The following BPNT2 variants were observed in gnomAD, a reference collection of about 807,000 sequenced individuals.
BPNT2 encodes the protein Golgi-resident adenosine 3',5'-bisphosphate 3'-phosphatase.
BPNT2 carries 11 observed loss-of-function variants against 29.3 expected under a neutral mutation model. The observed-to-expected ratio is 0.38, with a 90% confidence interval of 0.24 to 0.62. The LOEUF is 0.62. Among genes scored for constraint, BPNT2 ranks in the 20% least tolerant of loss-of-function variants. The pLI is 0.62. For synonymous variants in BPNT2, 195 were observed against 187.7 expected (o/e 1.04, Z -0.32); for missense variants, 459 against 473.4 (o/e 0.97, Z 0.28).
intron 3 of BPNT2, among the ~76,000 whole-genome samples, chr8:56,968,974 T>C (rs1805990668): frequency 6.6e-6 from 1 of 152,156 alleles, no homozygotes; most frequent in Non-Finnish European, 1.5e-5. Flanking sequence ...GGTGTCCTTA[T>C]AAGCAGGGGA....
At chr8:56,984,454 G>C (rs1806296513) in intron 1 of BPNT2, among the ~76,000 whole-genome samples, 1 of 152,148 alleles carries the variant, frequency 6.6e-6, no homozygotes, top group Non-Finnish European at 1.5e-5. Context: ...CATCGAATCA[G>C]TCAGTAAGTC....
rs34467829 is a variant in BPNT2, at chr8:56,963,886, G to A, written c.987C>T (p.Asp329=). The A allele has an allele frequency of 1.8e-4, 286 of 1,614,076 alleles. 1 individual carries two copies. Among genetic ancestry groups the A allele is most frequent in the Middle Eastern group, 1.5e-3 (9 of 6,062 alleles). The change falls in exon 5 of 5, where the codon GAC becomes GAT. Residue 329 remains aspartate (D), a synonymous_variant. Coordinates refer to ENST00000262644, the MANE Select transcript of BPNT2 (RefSeq NM_017813.5). The part of the protein sequence containing the change: ...SGEEISYTGS[D]GIEGGLLASI... ...TAGCAAGGAGTCCCCCTTCAATGCC[G>A]TCTGAACCAGTGTAACTGATTTCTT...
intron 3 of BPNT2, among the ~76,000 whole-genome samples, chr8:56,969,744 A>G (rs1011931870): frequency 6.6e-5 from 10 of 152,322 alleles, no homozygotes; most frequent in Admixed American, 1.3e-4. Flanking sequence ...GGCATTAGTA[A>G]AAGCAACAAA....
chr8:56,966,312 G>A lies in BPNT2; in HGVS notation c.687C>T (p.Arg229=), dbSNP rs886063019. ...MVDGGSNVKA[R]SSYNEKTPRI... ...TTGGGGTCTTCTCATTGTAGGAAGA[G>A]CGGGCTTTCACATTTGAACCACCAT... is the stretch of plus-strand genomic sequence containing the variant. Residue 229 remains arginine, a synonymous_variant, in exon 4 of 5, where the codon CGC becomes CGT. Transcript: ENST00000262644. 1 of 1,613,974 alleles carries A rather than the reference G, an allele frequency of 6.2e-7. No homozygotes were observed. Among genetic ancestry groups the A allele is most frequent in the East Asian group, 2.2e-5 (1 of 44,862 alleles).
At chr8:56,990,864 T>A (rs1028432541) in intron 1 of BPNT2, among the ~76,000 whole-genome samples, 3 of 152,130 alleles carry the variant, frequency 2.0e-5, no homozygotes, top group Non-Finnish European at 4.4e-5. Context: ...AGACTCTACA[T>A]AGGAAAGTAG....
Position 56,961,900 on chromosome 8 carries a change from C to CCCAT in BPNT2, c.*1889_*1892dup, listed in dbSNP as rs1263149384. 6.6e-6 allele frequency: 1 copy of CCCAT among 152,116 alleles called. No homozygotes were observed. 9.4% of individuals were successfully genotyped at this position (152,116 alleles called of 1,614,324 possible). ...GTTTGCTTCCCATTAAATCAGAGTT[C>CCCAT]CCATAAAACATTGAAATTAAATTCC... On this transcript the variant is annotated 3_prime_UTR_variant, in exon 5 of 5. Transcript: ENST00000262644.
intron 1 of BPNT2, among the ~76,000 whole-genome samples, chr8:56,980,466 G>A (rs1261940484): frequency 6.6e-6 from 1 of 151,998 alleles, no homozygotes; most frequent in East Asian, 1.9e-4. Flanking sequence ...GAAATATAGA[G>A]AAACTGAGCA....
chr8:56,980,882 G>A (rs1806230532), intron 1 of BPNT2, among the ~76,000 whole-genome samples: 1 of 146,518 alleles, frequency 6.8e-6, no homozygotes, highest in Non-Finnish European at 1.5e-5. Context: ...TATTCTCTCT[G>A]TATAATATAT....
chr8:56,989,514 A>T (rs1221231485), intron 1 of BPNT2, among the ~76,000 whole-genome samples: 1 of 152,194 alleles, frequency 6.6e-6, no homozygotes, highest in Admixed American at 6.5e-5. Flanking sequence ...TGTCATTAAG[A>T]AGTTTAATTC....
chr8:56,967,317 A>G (rs1170572794), intron 3 of BPNT2: 1 of 451,028 alleles, frequency 2.2e-6, no homozygotes, highest in Non-Finnish European at 4.5e-6. Flanking sequence ...CTCCTTCTAA[A>G]AACTATACAC....
chr8:56,965,848 G>A (rs932033233), intron 4 of BPNT2, among the ~76,000 whole-genome samples: 2 of 152,140 alleles, frequency 1.3e-5, no homozygotes, highest in Non-Finnish European at 1.5e-5. Flanking sequence ...CATCTTAAGT[G>A]CTTGATCTTT....
chr8:56,980,819 T>C lies in BPNT2; in HGVS notation c.388-622A>G, dbSNP rs55916820. On this transcript the variant is annotated intron_variant, in intron 1 of 4. Coordinates refer to ENST00000262644, the MANE Select transcript of BPNT2 (RefSeq NM_017813.5). ...CCCCACACCCTTACATACATACATA[T>C]ACACACACACACACACACACACACA... is the stretch of plus-strand genomic sequence containing the variant. 4.9e-3 allele frequency among the ~76,000 whole-genome samples: 689 copies of C among 141,496 alleles called. 5 individuals carry two copies. Among genetic ancestry groups the C allele is most frequent in the African/African-American group, 0.016 (598 of 37,814 alleles). The allele number at this position is 141,496 out of a possible 152,430, so 92.8% of individuals were successfully genotyped here.
At chr8:56,981,953 C>T (rs994691121) in intron 1 of BPNT2, among the ~76,000 whole-genome samples, 1 of 152,142 alleles carries the variant, frequency 6.6e-6, no homozygotes, top group East Asian at 1.9e-4. Context: ...ATTGTCAATA[C>T]AACATCTCTC....
chr8:56,991,688 G>T (rs571612150), intron 1 of BPNT2, among the ~76,000 whole-genome samples: 10 of 152,298 alleles, frequency 6.6e-5, no homozygotes, highest in Non-Finnish European at 8.8e-5. Context: ...AGGATCAAAT[G>T]AAGTCCTGTG....
intron 1 of BPNT2, among the ~76,000 whole-genome samples, chr8:56,984,140 A>C (rs1806290336): frequency 6.6e-6 from 1 of 152,200 alleles, no homozygotes; most frequent in African/African-American, 2.4e-5. Flanking sequence ...ACTGAGCTTC[A>C]CTGATTTTTT....
At chr8:56,968,954 T>C (rs1226656537) in intron 3 of BPNT2, among the ~76,000 whole-genome samples, 6 of 152,176 alleles carry the variant, frequency 3.9e-5, no homozygotes, top group Non-Finnish European at 8.8e-5. Context: ...GAGCTCTAAA[T>C]CTAATGACTG....
chr8:56,977,577 C>G (rs2129205051), intron 3 of BPNT2, among the ~76,000 whole-genome samples: 1 of 152,264 alleles, frequency 6.6e-6, no homozygotes, highest in East Asian at 1.9e-4. Flanking sequence ...ATCCTCACTC[C>G]CAGCACCTTG....
rs960591558 is a variant in BPNT2 at position 56,962,672 on chromosome 8, G to A, written c.*1121C>T. The A allele has an allele frequency of 6.6e-6, 1 of 151,990 alleles. No homozygotes were observed. The highest frequency in any genetic ancestry group is 1.5e-5 in the Non-Finnish European group (1 of 67,980). The allele number at this position is 151,990 out of a possible 1,614,324, so 9.4% of individuals were successfully genotyped here. On this transcript the variant is annotated 3_prime_UTR_variant, in exon 5 of 5. Coordinates refer to ENST00000262644, the MANE Select transcript of BPNT2 (RefSeq NM_017813.5). Reference sequence around the variant, plus strand: ...CAACCTTCTCTATTTTAATCTGAGGGGAAATTAAGAGAATCTCAAAAGTTA... The same window carrying A: ...CAACCTTCTCTATTTTAATCTGAGGAGAAATTAAGAGAATCTCAAAAGTTA...
At chr8:56,971,758 G>C (rs1044372520) in intron 3 of BPNT2, among the ~76,000 whole-genome samples, 1 of 135,896 alleles carries the variant, frequency 7.4e-6, no homozygotes, top group Non-Finnish European at 1.5e-5. Flanking sequence ...ATTATAGTAT[G>C]TATTACTGAA....
Sources: gnomAD v4.1 joint callset for allele counts (sites outside exome capture counted in the v4.1 genomes callset) on GRCh38, gnomAD v4.1.1 for gene constraint, MANE v1.5 for transcripts, NCBI Gene and HGNC (gene_info 2026-07-23, HGNC 2026-07-21) for gene names.